The following KCNU1 variants were observed in gnomAD, a reference collection of about 807,000 sequenced individuals.
The protein encoded by KCNU1 is potassium channel subfamily U member 1.
KCNU1 carries 93 observed loss-of-function variants against 126.8 expected under a neutral mutation model. The ratio of observed to expected loss-of-function variants is 0.73; its 90% CI spans 0.62 to 0.87. The LOEUF (loss-of-function observed/expected upper bound fraction) is 0.87. Among genes scored for constraint, KCNU1 ranks in the 40% least tolerant of loss-of-function variants. The pLI, the probability that KCNU1 is intolerant of heterozygous loss-of-function variation, is 0.00. For synonymous variants in KCNU1, 523 were observed against 494.2 expected, an observed-to-expected ratio of 1.06 and a Z score of -0.77; for missense variants, 1,330 against 1,367.1, an observed-to-expected ratio of 0.97 and a Z score of 0.43.
chr8:36,833,160 CAT>C (rs569347085), intron 10 of KCNU1, among the ~76,000 whole-genome samples: 18 of 152,002 alleles, frequency 1.2e-4, no homozygotes, highest in Non-Finnish European at 1.6e-4. Flanking sequence ...AAATATTAAA[CAT>C]GTGTGTTCAA....
chr8:36,795,262 T>G (rs1803052091), intron 2 of KCNU1: 1 of 152,448 alleles, frequency 6.6e-6, no homozygotes, highest in Admixed American at 6.5e-5. Context: ...TCTATCTGCC[T>G]CTGTCACCAG....
chr8:36,820,199 A>G (rs1020257141), intron 10 of KCNU1, among the ~76,000 whole-genome samples: 1 of 152,240 alleles, frequency 6.6e-6, no homozygotes, highest in Non-Finnish European at 1.5e-5. Context: ...GGCTGAGACC[A>G]GCCAACCTAC....
At chr8:36,912,744 G>C (rs1807931419) in intron 22 of KCNU1, among the ~76,000 whole-genome samples, 1 of 151,932 alleles carries the variant, frequency 6.6e-6, no homozygotes, top group Non-Finnish European at 1.5e-5. Flanking sequence ...GGCCGAGGTG[G>C]GGGGATCACA....
At chr8:36,889,225 T>A in intron 19 of KCNU1, 2 of 534,558 alleles carry the variant, frequency 3.7e-6, no homozygotes, top group Non-Finnish European at 7.7e-6. Flanking sequence ...CCTGGCATGG[T>A]TGCTCTGCTG....
chr8:36,791,801 C>T (rs1410861908), intron 2 of KCNU1, among the ~76,000 whole-genome samples: 2 of 152,132 alleles, frequency 1.3e-5, no homozygotes, highest in Non-Finnish European at 2.9e-5. Flanking sequence ...AAAGATCAGT[C>T]TCTTCATATT....
intron 1 of KCNU1, 73 bp from the exon 2 acceptor site, chr8:36,787,233 A>G (rs1802737853): frequency 1.5e-6 from 2 of 1,370,456 alleles, no homozygotes; most frequent in Non-Finnish European, 2.0e-6. Flanking sequence ...AAGAGGCTCC[A>G]TCAACGTAAG....
chr8:36,897,797 T>G (rs1807257498), intron 19 of KCNU1, among the ~76,000 whole-genome samples: 1 of 152,030 alleles, frequency 6.6e-6, no homozygotes, highest in Admixed American at 6.6e-5. Context: ...CCATAACCTT[T>G]TCCCTCCCAC....
chr8:36,873,289 A>C (rs1015771645), intron 19 of KCNU1, among the ~76,000 whole-genome samples: 3 of 152,030 alleles, frequency 2.0e-5, no homozygotes, highest in Admixed American at 2.0e-4. Flanking sequence ...CTTTCTTTAA[A>C]GATATGAGAA....
At chr8:36,805,400 T>C in intron 4 of KCNU1, 115 bp downstream of exon 4, 1 of 664,042 alleles carries the variant, frequency 1.5e-6, no homozygotes, top group Non-Finnish European at 2.7e-6. Context: ...TAAAGATAGC[T>C]AATCTGTGCC....
intron 19 of KCNU1, among the ~76,000 whole-genome samples, chr8:36,880,400 C>G (rs1233632663): frequency 6.6e-6 from 1 of 152,148 alleles, no homozygotes; most frequent in Non-Finnish European, 1.5e-5. Flanking sequence ...GGAGCTGAGT[C>G]AATCCCTTTT....
Position 36,864,425 on chromosome 8 carries a change from A to G in KCNU1, c.1913A>G (p.Lys638Arg). 1 of 1,609,862 alleles carries G rather than the reference A, an allele frequency of 6.2e-7. No homozygotes were observed. The highest frequency in any genetic ancestry group is 8.5e-7 in the Non-Finnish European group (1 of 1,176,312). The change falls in exon 19 of 27, where the codon AAA becomes AGA. Residue 638 changes from lysine to arginine, a missense_variant. By Grantham distance (26) the Lys-to-Arg change is conservative (BLOSUM62 2). Coordinates refer to ENST00000399881, the MANE Select transcript of KCNU1 (RefSeq NM_001031836.3). ...GCAGTGCCATCGGTAAAGAGAATGA[A>G]AAAATGTCTGAAGGGAATCTCCTCT... ...HITVPSVKRM[K>R]KCLKGISSRI...
chr8:36,841,037 T>G (rs1478659220), intron 16 of KCNU1, 34 bp downstream of exon 16: 8 of 979,198 alleles, frequency 8.2e-6, no homozygotes, highest in African/African-American at 3.6e-5. Context: ...TTCAGTTGTT[T>G]TTTTTTTTTT....
In KCNU1 at chr8:36,834,862, T is replaced by C; in HGVS notation, c.1289T>C (p.Ile430Thr). 1 of 1,605,590 alleles carries C rather than the reference T, an allele frequency of 6.2e-7. No individual in the cohort carries two copies. The highest frequency in any genetic ancestry group is 8.5e-7 in the Non-Finnish European group (1 of 1,173,360). Reference protein sequence around the residue: ...SDSHAEDISNIMRVLSIKNYD... With the variant: ...SDSHAEDISNTMRVLSIKNYD... Reference sequence around the variant, plus strand: ...TCCCATGCTGAAGATATTTCCAACATTATGAGGTAAGAAGCTGTGTTTTGT... The same window carrying C: ...TCCCATGCTGAAGATATTTCCAACACTATGAGGTAAGAAGCTGTGTTTTGT... Residue 430 changes from isoleucine (I) to threonine (T), a missense_variant, in exon 12 of 27, where the codon ATT becomes ACT. Coordinates refer to ENST00000399881, the MANE Select transcript of KCNU1 (RefSeq NM_001031836.3).
intron 9 of KCNU1, among the ~76,000 whole-genome samples, chr8:36,816,326 G>GT (rs563114262): frequency 1.5e-4 from 22 of 151,074 alleles, no homozygotes; most frequent in Non-Finnish European, 2.2e-4. Context: ...CTTCCATTAG[G>GT]TTTTTTTTTC....
In KCNU1 at chr8:36,808,431, C is replaced by T. The variant is rs989874050; in HGVS notation, c.657-287C>T. 1.3e-4 allele frequency among the ~76,000 whole-genome samples: 19 copies of T among 151,996 alleles called. No individual in the cohort carries two copies. The East Asian group carries it at 2.1e-3, about 17-fold the overall frequency. On this transcript the variant is annotated intron_variant, in intron 6 of 26. Transcript: ENST00000399881. Reference sequence around the variant, plus strand: ...AAAGTGATATGAGGCTAGTGGATATCGCAGCAAAAGTCAAACTTCCCAAAC... The same window carrying T: ...AAAGTGATATGAGGCTAGTGGATATTGCAGCAAAAGTCAAACTTCCCAAAC...
At chr8:36,815,738 C>T (rs370901794) in intron 9 of KCNU1, 51 bp downstream of exon 9, 24 of 1,049,624 alleles carry the variant, frequency 2.3e-5, no homozygotes, top group South Asian at 1.3e-4. Flanking sequence ...TTCTATTAGC[C>T]ATATATCTCG....
chr8:36,903,346 C>T (rs1807494183), intron 19 of KCNU1, among the ~76,000 whole-genome samples: 1 of 152,094 alleles, frequency 6.6e-6, no homozygotes, highest in African/African-American at 2.4e-5. Flanking sequence ...AGGAAACCCC[C>T]TAACCCTGCA....
At chr8:36,802,947 A>T (rs1803365453) in intron 2 of KCNU1, among the ~76,000 whole-genome samples, 1 of 152,220 alleles carries the variant, frequency 6.6e-6, no homozygotes, top group African/African-American at 2.4e-5. Context: ...ACATGAATTC[A>T]GTTGGAATCT....
chr8:36,841,039 T>TTG, intron 16 of KCNU1, 36 bp downstream of exon 16: 1 of 1,212,368 alleles, frequency 8.2e-7, no homozygotes, highest in Non-Finnish European at 1.2e-6. Flanking sequence ...CAGTTGTTTT[T>TTG]TTTTTTTTTT....
Sources: allele counts gnomAD v4.1 joint callset (sites outside exome capture counted in the v4.1 genomes callset), GRCh38; gene constraint gnomAD v4.1.1; transcripts MANE v1.5; gene names NCBI Gene and HGNC (gene_info 2026-07-23, HGNC 2026-07-21).